Variants in BICD1 observed in about 807,000 individuals in gnomAD.
The protein encoded by BICD1 is protein bicaudal D homolog 1.
In BICD1, 35 loss-of-function variants were observed where a neutral mutation model predicts 92.5. The observed-to-expected ratio is 0.38, with a 90% CI of 0.29 to 0.50. The LOEUF is 0.50. Among genes scored for constraint, BICD1 ranks in the 20% least tolerant of loss-of-function variants. The probability of loss-of-function intolerance (pLI) is 0.93; values close to 1 mark genes in which losing one functional copy is unlikely to be tolerated. For synonymous variants in BICD1, 429 were observed against 465.1 expected (o/e 0.92, Z 1.00); for missense variants, 950 against 1,189.8 (o/e 0.80, Z 2.97).
chr12:32,294,165 T>C lies in BICD1; in HGVS notation c.579+19T>C, dbSNP rs1250161948. ...GAACCAGGTAAGGTTTAAGAAATTT[T>C]TTGTTATACTGAAGATGGATCTACA... On this transcript the variant is annotated intron_variant, in intron 3 of 9. Transcript: ENST00000652176. The C allele has an allele frequency of 6.3e-7, 1 of 1,579,542 alleles. No homozygotes were observed. The highest frequency in any genetic ancestry group is 8.6e-7 in the Non-Finnish European group (1 of 1,168,868).
At chr12:32,226,825 C>T (rs529492452) in intron 2 of BICD1, among the ~76,000 whole-genome samples, 1 of 152,360 alleles carries the variant, frequency 6.6e-6, no homozygotes, top group South Asian at 2.1e-4. Context: ...GGGGCTTCCT[C>T]CCCAGCTGCG....
chr12:32,205,185 AC>A (rs1945012493), intron 1 of BICD1, among the ~76,000 whole-genome samples: 2 of 152,120 alleles, frequency 1.3e-5, no homozygotes, highest in Non-Finnish European at 1.5e-5. Context: ...TTTGGACCTA[AC>A]TACTTAAATG....
chr12:32,367,643 CAT>C (rs765361464), intron 8 of BICD1, 25 bp from the exon 9 acceptor site: 34 of 1,605,168 alleles, frequency 2.1e-5, no homozygotes, highest in East Asian at 4.5e-5. Context: ...TCTTTGTACA[CAT>C]GTCTAATTTA....
At chr12:32,267,771 T>A (rs2136139616) in intron 2 of BICD1, among the ~76,000 whole-genome samples, 1 of 152,294 alleles carries the variant, frequency 6.6e-6, no homozygotes, top group Admixed American at 6.5e-5. Context: ...GTTTCTAGGC[T>A]CTCTATTTTG....
intron 1 of BICD1, among the ~76,000 whole-genome samples, chr12:32,199,396 T>C (rs1443204894): frequency 1.3e-5 from 2 of 152,140 alleles, no homozygotes; most frequent in Non-Finnish European, 2.9e-5. Flanking sequence ...AAATGTCTCC[T>C]CATGACCACA....
intron 1 of BICD1, chr12:32,108,932 A>G (rs1941592403): frequency 4.8e-6 from 2 of 420,662 alleles, no homozygotes; most frequent in Non-Finnish European, 8.6e-6. Flanking sequence ...GTTTAAATGC[A>G]GTGATGCTAA....
intron 4 of BICD1, among the ~76,000 whole-genome samples, chr12:32,306,754 C>G (rs750513583): frequency 5.9e-5 from 9 of 151,728 alleles, no homozygotes; most frequent in African/African-American, 1.9e-4. Context: ...GTGGCTTACA[C>G]CTGTAATCCC....
intron 1 of BICD1, among the ~76,000 whole-genome samples, chr12:32,190,304 T>C (rs1010801119): frequency 4.6e-5 from 7 of 152,100 alleles, no homozygotes; most frequent in Non-Finnish European, 7.4e-5. Context: ...AGTGGCCAAA[T>C]GGATTAAAAG....
chr12:32,338,763 A>G, intron 7 of BICD1, 23 bp from the exon 8 acceptor site: 1 of 1,556,916 alleles, frequency 6.4e-7, no homozygotes, highest in Non-Finnish European at 8.6e-7. Context: ...TCCTATATGT[A>G]TTTTTCTTGG....
At chr12:32,234,292 A>G (rs1044596614) in intron 2 of BICD1, among the ~76,000 whole-genome samples, 1 of 152,182 alleles carries the variant, frequency 6.6e-6, no homozygotes, top group Non-Finnish European at 1.5e-5. Flanking sequence ...TTTCACTAAG[A>G]CAGCTTTTTA....
In BICD1 at chr12:32,146,673, G is replaced by A. The variant is rs756124842; in HGVS notation, c.213+39129G>A. On this transcript the variant is annotated intron_variant, in intron 1 of 9. Coordinates refer to ENST00000652176, the MANE Select transcript of BICD1 (RefSeq NM_001714.4). Reference sequence around the variant, plus strand: ...CAGGCCTCAGAGCAGACAGAGGAAGGGCACGCAGTGACAGAGCCCACGAAG... The same window carrying A: ...CAGGCCTCAGAGCAGACAGAGGAAGAGCACGCAGTGACAGAGCCCACGAAG... 9.9e-5 allele frequency among the ~76,000 whole-genome samples: 15 copies of A among 152,194 alleles called. 1 individual carries two copies. The highest frequency in any genetic ancestry group is 2.1e-4 in the Non-Finnish European group (14 of 68,030).
intron 1 of BICD1, among the ~76,000 whole-genome samples, chr12:32,175,545 G>A (rs367737207): frequency 1.3e-5 from 2 of 152,084 alleles, no homozygotes; most frequent in East Asian, 1.9e-4. Flanking sequence ...TCCAACTGCT[G>A]ACCTCGGGTG....
intron 1 of BICD1, among the ~76,000 whole-genome samples, chr12:32,146,742 T>C (rs1943115488): frequency 6.6e-6 from 1 of 152,080 alleles, no homozygotes; most frequent in African/African-American, 2.4e-5. Flanking sequence ...GAGTGGCTCA[T>C]GGAAACCAGC....
chr12:32,358,748 A>C (rs1041784221), intron 8 of BICD1, among the ~76,000 whole-genome samples: 1 of 152,166 alleles, frequency 6.6e-6, no homozygotes, highest in African/African-American at 2.4e-5. Context: ...AAAAAAAAGT[A>C]ATACAGAAAG....
intron 1 of BICD1, among the ~76,000 whole-genome samples, chr12:32,143,850 A>G (rs1943027355): frequency 6.6e-6 from 1 of 152,174 alleles, no homozygotes; most frequent in Non-Finnish European, 1.5e-5. Context: ...ATGGTATCCT[A>G]TGGTACTTAT....
chr12:32,225,170 T>A (rs1319957955), intron 2 of BICD1, among the ~76,000 whole-genome samples: 1 of 152,240 alleles, frequency 6.6e-6, no homozygotes, highest in Admixed American at 6.5e-5. Flanking sequence ...AGTTTTGTTT[T>A]ATTTTTTTCT....
At chr12:32,213,977 C>T (rs1945285702) in intron 1 of BICD1, among the ~76,000 whole-genome samples, 1 of 152,040 alleles carries the variant, frequency 6.6e-6, no homozygotes, top group South Asian at 2.1e-4. Context: ...ATTTTATTTC[C>T]ATCATTCCTT....
intron 1 of BICD1, among the ~76,000 whole-genome samples, chr12:32,187,300 A>T (rs1944444229): frequency 1.3e-5 from 2 of 152,250 alleles, no homozygotes. Context: ...CAGTTGTCTT[A>T]TTAAAACAAT....
chr12:32,250,622 T>C (rs1380437263), intron 2 of BICD1, among the ~76,000 whole-genome samples: 2 of 152,292 alleles, frequency 1.3e-5, no homozygotes, highest in East Asian at 1.9e-4. Flanking sequence ...CTTTTCAAAA[T>C]TGTGTTATTT....
Sources: allele counts gnomAD v4.1 joint callset (sites outside exome capture counted in the v4.1 genomes callset), GRCh38; gene constraint gnomAD v4.1.1; transcripts MANE v1.5; gene names NCBI Gene and HGNC (gene_info 2026-07-23, HGNC 2026-07-21).